Variants in ALDH1A2 observed in about 807,000 individuals in gnomAD.
ALDH1A2 encodes the protein retinal dehydrogenase 2.
ALDH1A2 carries 27 observed loss-of-function variants against 60.3 expected under a neutral mutation model. The observed-to-expected ratio is 0.45, with a 90% CI of 0.33 to 0.62. The LOEUF is 0.62. ALDH1A2 is among the 20% of genes least tolerant of loss of function. The pLI is 0.02. For synonymous variants in ALDH1A2, 289 were observed against 232.4 expected (o/e 1.24, Z -2.21); for missense variants, 581 against 643.8 (o/e 0.90, Z 1.06).
At chr15:58,007,698 C>T (rs1010113457) in intron 4 of ALDH1A2, among the ~76,000 whole-genome samples, 2 of 150,866 alleles carry the variant, frequency 1.3e-5, no homozygotes, top group Non-Finnish European at 3.0e-5. Context: ...TTATAATTCC[C>T]AACATAAAAT....
intron 7 of ALDH1A2, among the ~76,000 whole-genome samples, chr15:57,976,001 C>G (rs1442525599): frequency 6.6e-6 from 1 of 152,120 alleles, no homozygotes; most frequent in African/African-American, 2.4e-5. Flanking sequence ...AATTATACTA[C>G]AATAAAGCTG....
chr15:57,993,947 A>C (rs1894971970), intron 5 of ALDH1A2, among the ~76,000 whole-genome samples: 1 of 152,202 alleles, frequency 6.6e-6, no homozygotes, highest in African/African-American at 2.4e-5. Context: ...TGCCTTCACC[A>C]AACACCCAAT....
At chr15:58,009,549 A>C (rs1456790875) in intron 4 of ALDH1A2, among the ~76,000 whole-genome samples, 1 of 151,162 alleles carries the variant, frequency 6.6e-6, no homozygotes, top group Non-Finnish European at 1.5e-5. Context: ...CTTCTGGAGA[A>C]CACAGGTAGA....
At chr15:57,957,388 AGACAGATG>A in intron 12 of ALDH1A2, among the ~76,000 whole-genome samples, 1 of 152,262 alleles carries the variant, frequency 6.6e-6, no homozygotes, top group South Asian at 2.1e-4. Flanking sequence ...GGAGACTGAG[AGACAGATG>A]GTCATGTGGG....
intron 11 of ALDH1A2, 73 bp downstream of exon 11, chr15:57,961,064 G>A (rs2140448931): frequency 6.3e-7 from 1 of 1,583,744 alleles, no homozygotes; most frequent in Non-Finnish European, 8.6e-7. Flanking sequence ...TCCTTCCAAG[G>A]AGATACTTGT....
chr15:57,995,166 C>G, intron 4 of ALDH1A2, 27 bp from the exon 5 acceptor site: 1 of 1,412,618 alleles, frequency 7.1e-7, no homozygotes. Context: ...TGGTCACTCC[C>G]AGAAAGTTTA....
Position 57,961,117 on chromosome 15 carries a change from A to C in ALDH1A2, c.1409+20T>G, listed in dbSNP as rs373520737. The C allele has an allele frequency of 1.2e-6, 2 of 1,613,594 alleles. No individual in the cohort carries two copies. The highest frequency in any genetic ancestry group is 4.5e-5 in the East Asian group (2 of 44,882). ...CTATACCACCAGTGGAATTTGTTAC[A>C]AGACTGACTCTGATCTTACCAAACA... On this transcript the variant is annotated intron_variant, in intron 11 of 12. Transcript: ENST00000249750.
At chr15:58,065,363 A>C (rs2140597449) in intron 1 of ALDH1A2, 171 bp downstream of exon 1, 3 of 710,954 alleles carry the variant, frequency 4.2e-6, no homozygotes, top group Non-Finnish European at 7.6e-6. Flanking sequence ...CGGGGCTTCA[A>C]ACGCCCCAGT....
intron 7 of ALDH1A2, among the ~76,000 whole-genome samples, chr15:57,967,547 T>C (rs1893937340): frequency 6.6e-6 from 1 of 152,124 alleles, no homozygotes; most frequent in Non-Finnish European, 1.5e-5. Context: ...AAACTCCAAC[T>C]TCCCCTCAGT....
At chr15:57,968,538 C>T (rs1273785075) in intron 7 of ALDH1A2, among the ~76,000 whole-genome samples, 1 of 152,224 alleles carries the variant, frequency 6.6e-6, no homozygotes, top group Non-Finnish European at 1.5e-5. Context: ...CACATACCAT[C>T]AAAATCTTAT....
intron 1 of ALDH1A2, among the ~76,000 whole-genome samples, chr15:58,045,416 A>G (rs546657050): frequency 6.6e-6 from 1 of 152,266 alleles, no homozygotes; most frequent in South Asian, 2.1e-4. Flanking sequence ...AGGATTATAA[A>G]TCATGCTACT....
At chr15:57,970,103 G>C (rs888576864) in intron 7 of ALDH1A2, among the ~76,000 whole-genome samples, 7 of 152,218 alleles carry the variant, frequency 4.6e-5, no homozygotes, top group African/African-American at 1.2e-4. Context: ...CTCATTCTGA[G>C]AGTCTGTTCA....
intron 1 of ALDH1A2, among the ~76,000 whole-genome samples, chr15:58,049,831 C>A (rs767281698): frequency 6.6e-6 from 1 of 152,026 alleles, no homozygotes; most frequent in Admixed American, 6.6e-5. Context: ...TTATGTACCC[C>A]CCTGTCTTGA....
chr15:58,036,105 G>A (rs1595681642), intron 1 of ALDH1A2, among the ~76,000 whole-genome samples: 1 of 151,504 alleles, frequency 6.6e-6, no homozygotes, highest in Non-Finnish European at 1.5e-5. Context: ...TAAATAGGAG[G>A]CCAAAGTTTT....
rs1893468804 is a variant in ALDH1A2 at position 57,954,987 on chromosome 15, A to T, written c.*210T>A. Reference sequence around the variant, plus strand: ...TATCCCACTTTCCCCAATATTTGGTATGATTAAGGTGGCCCCTTACAGAGT... The same window carrying T: ...TATCCCACTTTCCCCAATATTTGGTTTGATTAAGGTGGCCCCTTACAGAGT... On this transcript the variant is annotated 3_prime_UTR_variant, in exon 13 of 13. Coordinates refer to ENST00000249750, the MANE Select transcript of ALDH1A2 (RefSeq NM_003888.4). 1.6e-6 allele frequency: 1 copy of T among 612,216 alleles called. No individual in the cohort carries two copies. The highest frequency in any genetic ancestry group is 2.9e-6 in the Non-Finnish European group (1 of 341,888). The allele number at this position is 612,216 out of a possible 1,614,324, so 37.9% of individuals were successfully genotyped here. A position where few individuals can be genotyped will look rare whatever the true frequency, so the allele number is the denominator to read the frequency against.
chr15:58,004,373 T>C (rs1380940361), intron 4 of ALDH1A2, among the ~76,000 whole-genome samples: 1 of 151,846 alleles, frequency 6.6e-6, no homozygotes. Context: ...ATTTGTTACA[T>C]GGATATATTG....
chr15:57,987,263 A>G (rs2140483506), intron 7 of ALDH1A2, among the ~76,000 whole-genome samples: 1 of 152,322 alleles, frequency 6.6e-6, no homozygotes, highest in Non-Finnish European at 1.5e-5. Flanking sequence ...AAAGATTTGA[A>G]AAAATAATGG....
intron 7 of ALDH1A2, among the ~76,000 whole-genome samples, chr15:57,972,951 G>T (rs1894119839): frequency 6.6e-6 from 1 of 152,186 alleles, no homozygotes; most frequent in Non-Finnish European, 1.5e-5. Flanking sequence ...AAGCAGTAGA[G>T]ATGGTGCTTG....
chr15:57,978,315 T>C (rs1222189976), intron 7 of ALDH1A2, among the ~76,000 whole-genome samples: 1 of 152,220 alleles, frequency 6.6e-6, no homozygotes, highest in Admixed American at 6.5e-5. Flanking sequence ...TTCAGTACGA[T>C]GTTGCCTGTG....
Sources: allele counts gnomAD v4.1 joint callset (sites outside exome capture counted in the v4.1 genomes callset), GRCh38; gene constraint gnomAD v4.1.1; transcripts MANE v1.5; gene names NCBI Gene and HGNC (gene_info 2026-07-23, HGNC 2026-07-21).